TXNDC16: variants seen among roughly 807,000 people sequenced by gnomAD.
TXNDC16 encodes thioredoxin domain containing 16, also known as thioredoxin domain-containing protein 16.
TXNDC16 carries 74 observed loss-of-function variants against 85.6 expected under a neutral mutation model. The ratio of observed to expected loss-of-function variants is 0.86; its 90% CI spans 0.72 to 1.05. The LOEUF is 1.05. Among genes scored for constraint, TXNDC16 ranks in the 50% least tolerant of loss-of-function variants. The pLI, the probability that TXNDC16 is intolerant of heterozygous loss-of-function variation, is 0.00. For synonymous variants in TXNDC16, 335 were observed against 326.5 expected (o/e 1.03, Z -0.28); for missense variants, 959 against 947.0 (o/e 1.01, Z -0.17).
chr14:52,478,586 G>T (rs575042841), intron 14 of TXNDC16, among the ~76,000 whole-genome samples: 1 of 152,028 alleles, frequency 6.6e-6, no homozygotes, highest in South Asian at 2.1e-4. Context: ...TAAATTCCTG[G>T]AAAGATACAA....
intron 6 of TXNDC16, among the ~76,000 whole-genome samples, chr14:52,523,438 C>T (rs1390037617): frequency 6.6e-6 from 1 of 152,162 alleles, no homozygotes; most frequent in African/African-American, 2.4e-5. Context: ...TATTACATTT[C>T]TGTCATCATT....
chr14:52,472,950 T>C (rs1012222449), intron 14 of TXNDC16, among the ~76,000 whole-genome samples: 18 of 152,100 alleles, frequency 1.2e-4, no homozygotes, highest in Non-Finnish European at 2.6e-4. Context: ...CTGCCAGCCA[T>C]GTGTGCTGTA....
intron 16 of TXNDC16, among the ~76,000 whole-genome samples, chr14:52,466,893 GA>G (rs2035789796): frequency 6.6e-6 from 1 of 150,732 alleles, no homozygotes; most frequent in Non-Finnish European, 1.5e-5. Context: ...AAAAAATAAA[GA>G]AAAACAATAA....
chr14:52,461,547 G>C (rs1332887420), intron 16 of TXNDC16, among the ~76,000 whole-genome samples: 5 of 152,076 alleles, frequency 3.3e-5, no homozygotes, highest in Admixed American at 6.5e-5. Context: ...GTCTTTCTCA[G>C]TTGTCCTTAG....
At chr14:52,474,375 A>G (rs1376540308) in intron 14 of TXNDC16, among the ~76,000 whole-genome samples, 2 of 152,212 alleles carry the variant, frequency 1.3e-5, no homozygotes, top group African/African-American at 4.8e-5. Context: ...AGAAAACTTA[A>G]ATTTGTCCAT....
intron 16 of TXNDC16, among the ~76,000 whole-genome samples, chr14:52,459,765 T>G (rs920485769): frequency 1.3e-5 from 2 of 152,132 alleles, no homozygotes; most frequent in Non-Finnish European, 2.9e-5. Flanking sequence ...GTTCAACATA[T>G]GCAAATCAAT....
intron 16 of TXNDC16, among the ~76,000 whole-genome samples, chr14:52,468,832 G>GT (rs924637801): frequency 6.6e-6 from 1 of 151,586 alleles, no homozygotes; most frequent in Non-Finnish European, 1.5e-5. Flanking sequence ...AGCTGTGATT[G>GT]TGTCACTGTA....
At chr14:52,551,796 C>G (rs887491674) in intron 1 of TXNDC16, among the ~76,000 whole-genome samples, 1 of 142,920 alleles carries the variant, frequency 7.0e-6, no homozygotes, top group African/African-American at 2.8e-5. Context: ...CTACCATACA[C>G]AGGTCCAAGG....
intron 11 of TXNDC16, among the ~76,000 whole-genome samples, chr14:52,488,849 A>T (rs2036337875): frequency 6.6e-6 from 1 of 150,538 alleles, no homozygotes; most frequent in Admixed American, 6.6e-5. Context: ...AAAAAAAAAA[A>T]CAAGTTTTAC....
chr14:52,503,815 T>C (rs2036721543), intron 9 of TXNDC16, among the ~76,000 whole-genome samples: 1 of 152,122 alleles, frequency 6.6e-6, no homozygotes, highest in African/African-American at 2.4e-5. Context: ...GCAAAGAAGT[T>C]AAAAACCTTG....
intron 6 of TXNDC16, among the ~76,000 whole-genome samples, chr14:52,532,786 A>T (rs1224426039): frequency 1.3e-5 from 2 of 151,634 alleles, no homozygotes; most frequent in African/African-American, 4.8e-5. Context: ...GTACAACAGA[A>T]AAAAAAAACT....
chr14:52,527,459 C>G (rs2037363644), intron 6 of TXNDC16, among the ~76,000 whole-genome samples: 1 of 152,142 alleles, frequency 6.6e-6, no homozygotes, highest in Admixed American at 6.5e-5. Context: ...ACTATCTTCT[C>G]TTCCCCAGAG....
rs760233756 is a variant in TXNDC16, at chr14:52,482,815, T to C, written c.1252+7A>G. On this transcript the variant is annotated splice_region_variant and intron_variant, in intron 13 of 20. Transcript: ENST00000281741. ...TATGTAACAGTCCTCTAAAGGCTCATACTCACAACCAGCATAGAAGAGTAC... is the reference window on the plus strand; with the variant it reads ...TATGTAACAGTCCTCTAAAGGCTCACACTCACAACCAGCATAGAAGAGTAC... 8 of 1,590,908 alleles carry C rather than the reference T, an allele frequency of 5.0e-6. No homozygotes were observed. In the East Asian group the frequency reaches 1.8e-4, roughly 36 times the overall value.
rs1395478981 is a variant in TXNDC16, at chr14:52,541,782, C to G, written c.243+589G>C. Among the ~76,000 whole-genome samples, 3 of 152,208 alleles carry G rather than the reference C, an allele frequency of 2.0e-5. 1 individual carries two copies. Among genetic ancestry groups the G allele is most frequent in the South Asian group, 4.1e-4 (2 of 4,824 alleles). ...TTCTAAGTTTAAATTAAATGAAAGG[C>G]TTACATATCTATCTAATCCATGATG... On this transcript the variant is annotated intron_variant, in intron 4 of 20. Transcript: ENST00000281741.
chr14:52,541,499 T>A (rs1243783934), intron 4 of TXNDC16, among the ~76,000 whole-genome samples: 3 of 152,286 alleles, frequency 2.0e-5, no homozygotes, highest in African/African-American at 7.2e-5. Context: ...CAAAGTTAAT[T>A]GAGATCTCTA....
chr14:52,458,297 G>A (rs1402093048), intron 16 of TXNDC16, among the ~76,000 whole-genome samples: 2 of 152,154 alleles, frequency 1.3e-5, no homozygotes, highest in Admixed American at 1.3e-4. Flanking sequence ...GGTAGCTCAC[G>A]CCTGTAATCC....
At chr14:52,530,426 TATAATAATATATAATATATTATTATATA>T (rs2037509230) in intron 6 of TXNDC16, among the ~76,000 whole-genome samples, 1 of 26,334 alleles carries the variant, frequency 3.8e-5, no homozygotes, top group African/African-American at 2.1e-4. Context: ...TAATATTATA[TATAATAATATATAATATATTATTATATA>T]ATAATATATA....
chr14:52,505,806 C>G (rs1415238579), intron 9 of TXNDC16, among the ~76,000 whole-genome samples: 1 of 151,898 alleles, frequency 6.6e-6, no homozygotes, highest in Non-Finnish European at 1.5e-5. Flanking sequence ...AAAAGATCAA[C>G]AAAACTGATA....
intron 18 of TXNDC16, among the ~76,000 whole-genome samples, chr14:52,453,041 CA>C (rs910451109): frequency 1.3e-5 from 2 of 151,994 alleles, no homozygotes; most frequent in African/African-American, 2.4e-5. Context: ...AGACATTTCT[CA>C]AAAAAATACA....
Sources: gnomAD v4.1 joint callset for allele counts (sites outside exome capture counted in the v4.1 genomes callset) on GRCh38, gnomAD v4.1.1 for gene constraint, MANE v1.5 for transcripts, NCBI Gene and HGNC (gene_info 2026-07-23, HGNC 2026-07-21) for gene names.